The following SLC25A51 variants were observed in gnomAD, a reference collection of about 807,000 sequenced individuals.
SLC25A51 encodes the protein mitochondrial nicotinamide adenine dinucleotide transporter SLC25A51.
A neutral mutation model predicts 19.1 loss-of-function variants in SLC25A51; 11 were observed. The ratio of observed to expected loss-of-function variants is 0.58; its 90% CI spans 0.36 to 0.96. The LOEUF is 0.96. Among genes scored for constraint, SLC25A51 ranks in the 40% least tolerant of loss-of-function variants. The pLI is 0.01. For missense variants in SLC25A51, 201 were observed against 365.4 expected, an observed-to-expected ratio of 0.55 and a Z score of 3.67; for synonymous variants, 105 against 133.6, an observed-to-expected ratio of 0.79 and a Z score of 1.47.
At chr9:37,893,125 G>A (rs912041539) in intron 2 of SLC25A51, among the ~76,000 whole-genome samples, 30 of 152,248 alleles carry the variant, frequency 2.0e-4, no homozygotes, top group African/African-American at 6.5e-4. Flanking sequence ...TGATCCAACT[G>A]CCTCAGCCTC....
At chr9:37,880,113 A>G (rs1239720550) in exon 4 of SLC25A51, 1 of 151,748 alleles carries the variant, frequency 6.6e-6, no homozygotes, top group Non-Finnish European at 1.5e-5. Flanking sequence ...TAAGGTCAGG[A>G]GTTTGAGACC....
chr9:37,897,819 C>A (rs938823679), intron 2 of SLC25A51, among the ~76,000 whole-genome samples: 1 of 152,112 alleles, frequency 6.6e-6, no homozygotes, highest in African/African-American at 2.4e-5. Flanking sequence ...CAAGTTTACA[C>A]AGGGAAACAA....
downstream of SLC25A51, among the ~76,000 whole-genome samples, chr9:37,887,257 C>A (rs1239937020): frequency 1.3e-5 from 2 of 150,528 alleles, no homozygotes; most frequent in South Asian, 2.1e-4. Flanking sequence ...GCGGAGGTTG[C>A]AGTGAGCCAA....
chr9:37,897,445 T>TA (rs1350290495), intron 2 of SLC25A51, among the ~76,000 whole-genome samples: 1 of 152,076 alleles, frequency 6.6e-6, no homozygotes, highest in Non-Finnish European at 1.5e-5. Context: ...TCTTGGGTAT[T>TA]AAGGTTAGAA....
chr9:37,903,393 T>G (rs1831897719), intron 1 of SLC25A51: 1 of 152,208 alleles, frequency 6.6e-6, no homozygotes, highest in South Asian at 2.1e-4. Flanking sequence ...CTAGCTAAAC[T>G]GAACACCAAA....
intron 2 of SLC25A51, among the ~76,000 whole-genome samples, chr9:37,891,912 AAAAG>A (rs1210878689): frequency 6.7e-6 from 1 of 149,634 alleles, no homozygotes; most frequent in Non-Finnish European, 1.5e-5. Flanking sequence ...AAAAAAAAAA[AAAAG>A]ATTCAGCCAT....
At chr9:37,904,007 C>T (rs1831917780) in intron 1 of SLC25A51, 61 bp downstream of exon 1, 1 of 152,526 alleles carries the variant, frequency 6.6e-6, no homozygotes, top group Non-Finnish European at 1.5e-5. Context: ...AGCGCGTTTC[C>T]CCTCCCTCCA....
chr9:37,882,970 G>GGT (rs1397308682), downstream of SLC25A51, among the ~76,000 whole-genome samples: 6 of 152,100 alleles, frequency 3.9e-5, no homozygotes, highest in Non-Finnish European at 5.9e-5. Flanking sequence ...CAGCCTCCTG[G>GGT]GTAGCCGGGA....
intron 2 of SLC25A51, among the ~76,000 whole-genome samples, chr9:37,893,910 C>A (rs1157792245): frequency 6.6e-6 from 1 of 152,140 alleles, no homozygotes; most frequent in East Asian, 1.9e-4. Context: ...TGCAAGGGAC[C>A]CTGCAGCAAT....
At chr9:37,879,137 C>A (rs973992617), downstream of SLC25A51, 11 of 343,884 alleles carry the variant, frequency 3.2e-5, no homozygotes, top group Admixed American at 2.4e-4. Context: ...AACATCTGCA[C>A]ATAAAGGACC....
At chr9:37,893,543 G>C (rs1831644153) in intron 2 of SLC25A51, among the ~76,000 whole-genome samples, 1 of 152,186 alleles carries the variant, frequency 6.6e-6, no homozygotes, top group African/African-American at 2.4e-5. Flanking sequence ...GTCCCTCCCT[G>C]ATCAGGAGAG....
chr9:37,893,321 C>G (rs1048032070), intron 2 of SLC25A51, among the ~76,000 whole-genome samples: 3 of 152,346 alleles, frequency 2.0e-5, no homozygotes, highest in Admixed American at 2.0e-4. Context: ...GGCCTAACGC[C>G]TCTTTGGAGT....
intron 2 of SLC25A51, among the ~76,000 whole-genome samples, chr9:37,889,065 C>T (rs1363240603): frequency 1.3e-5 from 2 of 152,126 alleles, no homozygotes; most frequent in African/African-American, 2.4e-5. Context: ...CCCTGAATAT[C>T]AGTCCACATA....
downstream of SLC25A51, among the ~76,000 whole-genome samples, chr9:37,884,947 C>T (rs1831415886): frequency 6.6e-6 from 1 of 152,194 alleles, no homozygotes; most frequent in African/African-American, 2.4e-5. Context: ...CCTTGATCTA[C>T]CATATCTAAA....
intron 1 of SLC25A51, among the ~76,000 whole-genome samples, chr9:37,900,924 G>A (rs967455111): frequency 1.3e-5 from 2 of 152,016 alleles, no homozygotes; most frequent in African/African-American, 2.4e-5. Context: ...TGGCTACCTC[G>A]CAGTTCACTG....
At chr9:37,900,721 T>C (rs1831828913) in intron 1 of SLC25A51, among the ~76,000 whole-genome samples, 1 of 151,856 alleles carries the variant, frequency 6.6e-6, no homozygotes, top group Non-Finnish European at 1.5e-5. Flanking sequence ...CAACACTTGC[T>C]GTTTTAAAAA....
intron 2 of SLC25A51, among the ~76,000 whole-genome samples, chr9:37,890,049 A>G (rs992200834): frequency 6.6e-6 from 1 of 152,020 alleles, no homozygotes; most frequent in African/African-American, 2.4e-5. Context: ...GTGTGTGTGT[A>G]TATGAGGCTA....
At chr9:37,879,175 G>T, downstream of SLC25A51, 1 of 314,866 alleles carries the variant, frequency 3.2e-6, no homozygotes, top group Non-Finnish European at 6.5e-6. Flanking sequence ...TTAAAGCTGA[G>T]TATGAAGGGG....
chr9:37,885,201 C>T (rs1321340547), downstream of SLC25A51, among the ~76,000 whole-genome samples: 3 of 152,054 alleles, frequency 2.0e-5, no homozygotes, highest in South Asian at 4.1e-4. Context: ...TGGCCGGTCA[C>T]AGCCACTTAT....
Sources: gnomAD v4.1 joint callset for allele counts (sites outside exome capture counted in the v4.1 genomes callset) on GRCh38, gnomAD v4.1.1 for gene constraint, MANE v1.5 for transcripts, NCBI Gene and HGNC (gene_info 2026-07-23, HGNC 2026-07-21) for gene names.